INPP5A: variants seen among roughly 807,000 people sequenced by gnomAD.
INPP5A encodes the protein inositol polyphosphate-5-phosphatase A, also known as 43 kDa inositol polyphosphate 5-phophatase.
In INPP5A, 14 loss-of-function variants were observed where a neutral mutation model predicts 65.2. The ratio of observed to expected loss-of-function variants is 0.21; its 90% CI spans 0.14 to 0.34. The LOEUF is 0.34. INPP5A is among the 10% of genes least tolerant of loss of function. The probability of loss-of-function intolerance (pLI) is 1.00; values close to 1 mark genes in which losing one functional copy is unlikely to be tolerated. For synonymous variants in INPP5A, 207 were observed against 208.3 expected (o/e 0.99, Z 0.05); for missense variants, 431 against 545.6 (o/e 0.79, Z 2.09).
At chr10:132,656,822 G>A (rs924714119) in intron 4 of INPP5A, among the ~76,000 whole-genome samples, 3 of 152,332 alleles carry the variant, frequency 2.0e-5, no homozygotes, top group South Asian at 2.1e-4. Context: ...GCCCGGAGGC[G>A]TGTGCACCCT....
chr10:132,775,192 G>GGGAGGAC (rs1565014193), intron 12 of INPP5A, among the ~76,000 whole-genome samples: 1 of 90,926 alleles, frequency 1.1e-5, no homozygotes, highest in East Asian at 3.7e-4. Flanking sequence ...GAGAGAGGGA[G>GGGAGGAC]GGGCAGGGAG....
chr10:132,672,385 CAT>C (rs541617378), intron 4 of INPP5A, among the ~76,000 whole-genome samples: 173 of 152,264 alleles, frequency 1.1e-3, no homozygotes, highest in African/African-American at 3.7e-3. Context: ...TGAATTCCCA[CAT>C]GTTATGGGAG....
chr10:132,689,888 G>A (rs1000692177), intron 4 of INPP5A, among the ~76,000 whole-genome samples: 5 of 152,268 alleles, frequency 3.3e-5, no homozygotes, highest in African/African-American at 1.2e-4. Context: ...GGGGCAGGGT[G>A]GGGCCAGGCG....
At chr10:132,544,825 G>A (rs1050947170) in intron 1 of INPP5A, among the ~76,000 whole-genome samples, 1 of 152,098 alleles carries the variant, frequency 6.6e-6, no homozygotes, top group East Asian at 1.9e-4. Flanking sequence ...AACGGCCGGC[G>A]GTGTTCTCTC....
At chr10:132,588,597 A>AC (rs1289994827) in intron 1 of INPP5A, among the ~76,000 whole-genome samples, 2 of 152,064 alleles carry the variant, frequency 1.3e-5, no homozygotes, top group South Asian at 2.1e-4. Context: ...CTGGGTTCCC[A>AC]CCCCCCAGCA....
intron 2 of INPP5A, 55 bp downstream of exon 2, chr10:132,608,011 C>T (rs2071882653): frequency 3.9e-6 from 6 of 1,545,764 alleles, no homozygotes; most frequent in Non-Finnish European, 5.4e-6. Flanking sequence ...AATAAGGTGC[C>T]TTTTTGCTTT....
At chr10:132,597,764 G>C (rs1249315913) in intron 1 of INPP5A, among the ~76,000 whole-genome samples, 1 of 151,236 alleles carries the variant, frequency 6.6e-6, no homozygotes, top group African/African-American at 2.4e-5. Flanking sequence ...GCTACGTGTA[G>C]TGACCCTGGG....
chr10:132,565,529 A>G (rs896146589), intron 1 of INPP5A, among the ~76,000 whole-genome samples: 5 of 152,346 alleles, frequency 3.3e-5, no homozygotes, highest in Admixed American at 2.6e-4. Context: ...CAGGCAAGAC[A>G]AAAGCCTTCC....
chr10:132,719,777 A>C (rs1306671445), intron 8 of INPP5A, among the ~76,000 whole-genome samples: 1 of 148,944 alleles, frequency 6.7e-6, no homozygotes, highest in African/African-American at 2.5e-5. Flanking sequence ...TGTGCCTTAG[A>C]CGGCTGTCTT....
At chr10:132,594,420 C>T (rs1007206678) in intron 1 of INPP5A, among the ~76,000 whole-genome samples, 9 of 152,212 alleles carry the variant, frequency 5.9e-5, no homozygotes, top group Non-Finnish European at 8.8e-5. Flanking sequence ...TCATCTACAC[C>T]GGCCAGTCCT....
chr10:132,753,397 GC>G lies in INPP5A; in HGVS notation c.903+3554del, dbSNP rs1565000437. On this transcript the variant is annotated intron_variant, in intron 11 of 15. Coordinates refer to ENST00000368594, the MANE Select transcript of INPP5A (RefSeq NM_005539.5). This position sits in a 1 kb window ranked among gnomAD's most constrained non-coding sequence, Gnocchi z 5.3. Reference sequence around the variant, plus strand: ...AAGTCCATTGCATCCTTCATCAACCGCCGGTCTTGTACCCGTCTGACAGAAA... The same window carrying G: ...AAGTCCATTGCATCCTTCATCAACCGCGGTCTTGTACCCGTCTGACAGAAA... Among the ~76,000 whole-genome samples the G allele has an allele frequency of 6.6e-6, 1 of 152,182 alleles. No homozygotes were observed. Among genetic ancestry groups the G allele is most frequent in the Non-Finnish European group, 1.5e-5 (1 of 68,034 alleles).
chr10:132,760,339 G>A (rs1340626503), intron 11 of INPP5A, among the ~76,000 whole-genome samples: 3 of 152,212 alleles, frequency 2.0e-5, no homozygotes, highest in Non-Finnish European at 4.4e-5. Context: ...AGCCAGGGTC[G>A]GACGCTGTGC....
intron 11 of INPP5A, among the ~76,000 whole-genome samples, chr10:132,755,905 C>T (rs142108722): frequency 7.2e-5 from 11 of 152,270 alleles, no homozygotes; most frequent in African/African-American, 2.2e-4. Context: ...CAGCCATACA[C>T]GTATCCAGAC....
At chr10:132,593,341 G>A (rs1314022223) in intron 1 of INPP5A, among the ~76,000 whole-genome samples, 2 of 152,184 alleles carry the variant, frequency 1.3e-5, no homozygotes, top group Non-Finnish European at 2.9e-5. Context: ...CTGGGATCCT[G>A]CATTACAATT....
At chr10:132,764,529 C>G (rs1467513092) in intron 11 of INPP5A, among the ~76,000 whole-genome samples, 1 of 130,682 alleles carries the variant, frequency 7.7e-6, no homozygotes, top group Non-Finnish European at 1.6e-5. Context: ...GGAACACGGT[C>G]GGGCCAGTCC....
At chr10:132,742,694 G>T (rs946127008) in intron 9 of INPP5A, among the ~76,000 whole-genome samples, 2 of 152,192 alleles carry the variant, frequency 1.3e-5, no homozygotes, top group Non-Finnish European at 2.9e-5. Flanking sequence ...AGTTCGGACC[G>T]TGAGGGACAC....
At chr10:132,712,090 C>G (rs895084710) in intron 8 of INPP5A, among the ~76,000 whole-genome samples, 10 of 152,242 alleles carry the variant, frequency 6.6e-5, no homozygotes, top group African/African-American at 2.4e-4. Flanking sequence ...TACCCAAGAC[C>G]CACGTCCTGA....
intron 4 of INPP5A, among the ~76,000 whole-genome samples, chr10:132,670,220 C>A: frequency 1.1e-5 from 1 of 94,136 alleles, no homozygotes; most frequent in Non-Finnish European, 2.2e-5. Context: ...CCCCACACCC[C>A]CTGACCCTAC....
chr10:132,693,954 C>T (rs1258149460), intron 5 of INPP5A, among the ~76,000 whole-genome samples: 2 of 152,262 alleles, frequency 1.3e-5, no homozygotes, highest in African/African-American at 4.8e-5. Flanking sequence ...CACCCTGTAT[C>T]AGGAATGAAC....
Sources: gnomAD v4.1 joint callset for allele counts (sites outside exome capture counted in the v4.1 genomes callset) on GRCh38, gnomAD v4.1.1 for gene constraint, Gnocchi (gnomAD v3.1) non-coding constraint, MANE v1.5 for transcripts, NCBI Gene and HGNC (gene_info 2026-07-23, HGNC 2026-07-21) for gene names.